The following NEDD9 variants were observed in gnomAD, a reference collection of about 807,000 sequenced individuals.
NEDD9 encodes neural precursor cell expressed, developmentally down-regulated 9.
Under a neutral mutation model 76.6 loss-of-function variants are expected in NEDD9, and 26 were observed. That is an observed-to-expected ratio of 0.34 (90% CI 0.25 to 0.47). The LOEUF (loss-of-function observed/expected upper bound fraction) is 0.47. Ranked by LOEUF, NEDD9 falls within the 20% of genes least tolerant of loss-of-function variation. NEDD9 has a pLI of 1.00. For synonymous variants in NEDD9, 392 were observed against 414.2 expected (o/e 0.95, Z 0.65); for missense variants, 937 against 1,058.5 (o/e 0.89, Z 1.59).
chr6:11,274,377 G>T (rs992420566), intron 3 of NEDD9, among the ~76,000 whole-genome samples: 1 of 152,162 alleles, frequency 6.6e-6, no homozygotes, highest in East Asian at 1.9e-4. Flanking sequence ...CTGGCCCTCA[G>T]TGCAGACAGG....
chr6:11,279,558 G>A (rs1443883928), intron 3 of NEDD9, among the ~76,000 whole-genome samples: 2 of 152,208 alleles, frequency 1.3e-5, no homozygotes, highest in Non-Finnish European at 2.9e-5. Flanking sequence ...CCAACAATCT[G>A]TTCCTGACAG....
At position 11,358,733 on chromosome 6, in the gene NEDD9, T is replaced by A. The variant is rs570141640; in HGVS notation, c.-214+23406A>T. ...AGAATCAGGACTTTTCCCCCTGGTT[T>A]TACAAAATACATGCAGTCTTCCATG... On this transcript the variant is annotated intron_variant, in intron 1 of 3. Coordinates refer to the NEDD9 transcript ENST00000397378. 5.3e-5 allele frequency among the ~76,000 whole-genome samples: 8 copies of A among 152,282 alleles called. No homozygotes were observed. The South Asian group carries it at 1.7e-3, about 32-fold the overall frequency.
At chr6:11,333,571 A>G (rs1319713138) in intron 2 of NEDD9, among the ~76,000 whole-genome samples, 1 of 152,226 alleles carries the variant, frequency 6.6e-6, no homozygotes, top group East Asian at 1.9e-4. Flanking sequence ...GAAAGCCATC[A>G]GGCAAGCGGC....
intron 2 of NEDD9, among the ~76,000 whole-genome samples, chr6:11,308,516 C>T (rs1325791826): frequency 3.3e-5 from 5 of 151,566 alleles, no homozygotes; most frequent in Non-Finnish European, 5.9e-5. Context: ...ACTACAGGCG[C>T]CCGCCACTAC....
intron 1 of NEDD9, among the ~76,000 whole-genome samples, chr6:11,364,041 C>T (rs573921036): frequency 2.0e-5 from 3 of 152,268 alleles, no homozygotes; most frequent in South Asian, 2.1e-4. Context: ...CCTGCTGGTC[C>T]GTGATATGAG....
intron 1 of NEDD9, among the ~76,000 whole-genome samples, chr6:11,353,119 AG>A (rs1405021223): frequency 1.3e-5 from 2 of 152,228 alleles, no homozygotes; most frequent in Non-Finnish European, 2.9e-5. Context: ...TGAGAACATC[AG>A]GATCCCCTTT....
chr6:11,376,849 C>T (rs1366367180), intron 1 of NEDD9, among the ~76,000 whole-genome samples: 1 of 152,234 alleles, frequency 6.6e-6, no homozygotes, highest in Non-Finnish European at 1.5e-5. Context: ...CAGCCCCTCC[C>T]ATCAAAGGCC....
intron 1 of NEDD9, among the ~76,000 whole-genome samples, chr6:11,218,794 T>C (rs72827133): frequency 0.021 from 3,243 of 152,214 alleles, 54 homozygotes; most frequent in South Asian, 0.044. Context: ...CACTCAAGCC[T>C]CACAGCCAGA....
At chr6:11,254,473 T>C (rs185626743) in intron 3 of NEDD9, among the ~76,000 whole-genome samples, 194 of 152,300 alleles carry the variant, frequency 1.3e-3, no homozygotes, top group Non-Finnish European at 2.2e-3. Flanking sequence ...ATTAAATATT[T>C]CTATTTTTAA....
rs1357450479 is a variant in NEDD9 at position 11,241,535 on chromosome 6, T to G, written c.13-27808A>C. Among the ~76,000 whole-genome samples the G allele has an allele frequency of 6.6e-6, 1 of 152,118 alleles. No individual in the cohort carries two copies. Among genetic ancestry groups the G allele is most frequent in the East Asian group, 1.9e-4 (1 of 5,192 alleles). On this transcript the variant is annotated intron_variant, in intron 3 of 3. Transcript: ENST00000397378. This position sits in a 1 kb window ranked among gnomAD's most constrained non-coding sequence, Gnocchi z 4.0. ...TTCTGTTTCCAATCTACTTCCGAGC[T>G]TTGCCATTCTCCAGCGCACACTGGC...
chr6:11,247,788 A>T (rs1759837686), intron 3 of NEDD9, among the ~76,000 whole-genome samples: 1 of 152,246 alleles, frequency 6.6e-6, no homozygotes, highest in African/African-American at 2.4e-5. Context: ...ACATGTATAC[A>T]TTTAACACAT....
rs1692650046 is a variant in NEDD9, at chr6:11,190,929, T to C, written c.940A>G (p.Asn314Asp). The stretch of plus-strand genomic sequence containing the variant: ...CCTCGGGGGACATCATATGCGTCGT[T>C]CTGAGAGCCCACTGACTGTCCGAGT... ...PQLGQSVGSQ[N>D]DAYDVPRGVQ... Residue 314 changes from asparagine to aspartate, a missense_variant, in exon 5 of 7, where the codon AAC (asparagine) becomes GAC (aspartate). Coordinates refer to ENST00000379446, the MANE Select transcript of NEDD9 (RefSeq NM_006403.4). The surrounding 1 kb of genome is among the most constrained non-coding windows in gnomAD (Gnocchi z 5.8). 6.2e-7 allele frequency: 1 copy of C among 1,614,040 alleles called. No individual in the cohort carries two copies. The highest frequency in any genetic ancestry group is 2.2e-5 in the East Asian group (1 of 44,860).
At chr6:11,284,298 G>C (rs993967539) in intron 3 of NEDD9, among the ~76,000 whole-genome samples, 1 of 150,736 alleles carries the variant, frequency 6.6e-6, no homozygotes, top group African/African-American at 2.4e-5. Context: ...GCTCACGCCT[G>C]TAATCCCAGC....
intron 3 of NEDD9, among the ~76,000 whole-genome samples, chr6:11,302,993 A>G (rs1176953139): frequency 6.6e-6 from 1 of 152,222 alleles, no homozygotes; most frequent in East Asian, 1.9e-4. Flanking sequence ...CCTATTCAAC[A>G]TAGTGTTGGA....
intron 1 of NEDD9, among the ~76,000 whole-genome samples, chr6:11,218,774 A>G (rs938379368): frequency 4.6e-5 from 7 of 152,194 alleles, no homozygotes; most frequent in Admixed American, 4.6e-4. Context: ...GAGAAATGTC[A>G]TGTCCAAGTC....
At chr6:11,226,727 A>T (rs899973099) in intron 1 of NEDD9, among the ~76,000 whole-genome samples, 8 of 152,238 alleles carry the variant, frequency 5.3e-5, no homozygotes, top group African/African-American at 1.9e-4. Flanking sequence ...ACTTTTATCT[A>T]TATAAAAATT....
At chr6:11,331,345 A>G (rs1411841627) in intron 2 of NEDD9, among the ~76,000 whole-genome samples, 2 of 144,902 alleles carry the variant, frequency 1.4e-5, no homozygotes, top group Non-Finnish European at 3.0e-5. Flanking sequence ...CTCCTCCACA[A>G]ATCATGAGTT....
At position 11,286,153 on chromosome 6, in the gene NEDD9, ACAAAC is replaced by A. The variant is rs1408453783; in HGVS notation, c.12+19834_12+19838del. 3.9e-5 allele frequency among the ~76,000 whole-genome samples: 6 copies of A among 152,246 alleles called. No individual in the cohort carries two copies. In the East Asian group the frequency reaches 1.2e-3, roughly 29 times the overall value. Reference sequence around the variant, plus strand: ...ACTCTCATTACTGAATAATAAGAAAACAAACCAAATAGAAAATGGACAAAATATTT... The same window carrying A: ...ACTCTCATTACTGAATAATAAGAAAACAAATAGAAAATGGACAAAATATTT... On this transcript the variant is annotated intron_variant, in intron 3 of 3. Transcript: ENST00000397378.
intron 1 of NEDD9, among the ~76,000 whole-genome samples, chr6:11,227,628 G>A (rs932822212): frequency 1.3e-5 from 2 of 152,072 alleles, no homozygotes; most frequent in African/African-American, 4.8e-5. Context: ...TTTATTCAAG[G>A]ACTTTTCGAT....
Sources: allele counts gnomAD v4.1 joint callset (sites outside exome capture counted in the v4.1 genomes callset), GRCh38; gene constraint gnomAD v4.1.1; non-coding constraint Gnocchi (gnomAD v3.1); transcripts MANE v1.5; gene names NCBI Gene and HGNC (gene_info 2026-07-23, HGNC 2026-07-21).